The following SEMA6D variants were observed in gnomAD, a reference collection of about 807,000 sequenced individuals.
The protein encoded by SEMA6D is semaphorin-6D.
A neutral mutation model predicts 106.6 loss-of-function variants in SEMA6D; 35 were observed. The ratio of observed to expected loss-of-function variants is 0.33; its 90% confidence interval spans 0.25 to 0.44. The LOEUF is 0.44. Ranked by LOEUF, SEMA6D falls within the 20% of genes least tolerant of loss-of-function variation. The pLI is 1.00. For synonymous variants in SEMA6D, 499 were observed against 487.7 expected, an observed-to-expected ratio of 1.02 and a Z score of -0.31; for missense variants, 1,185 against 1,345.9, an observed-to-expected ratio of 0.88 and a Z score of 1.87.
At chr15:47,283,393 A>G (rs77982321) in intron 1 of SEMA6D, among the ~76,000 whole-genome samples, 2 of 152,318 alleles carry the variant, frequency 1.3e-5, no homozygotes, top group African/African-American at 2.4e-5. Context: ...CTCTAGGCAC[A>G]TACTGATTAA....
At chr15:47,563,492 C>T (rs901479854) in intron 3 of SEMA6D, among the ~76,000 whole-genome samples, 1 of 152,188 alleles carries the variant, frequency 6.6e-6, no homozygotes, top group South Asian at 2.1e-4. Context: ...TACCTCCCCC[C>T]ATCTCCAATC....
Position 47,764,723 on chromosome 15 carries a change from T to G in SEMA6D, c.1183T>G (p.Ser395Ala). ...GGATGAAACTCTGTCATTCATCAAA[T>G]CTCATCCCCTGATGGACTCTGCCGT... ...FPDETLSFIK[S>A]HPLMDSAVPP... The change falls in exon 12 of 19, where the codon TCT becomes GCT. Residue 395 changes from serine to alanine, a missense_variant. Coordinates refer to ENST00000536845, the MANE Select transcript of SEMA6D (RefSeq NM_001358351.3). The G allele has an allele frequency of 6.2e-7, 1 of 1,614,078 alleles. No individual in the cohort carries two copies. Among genetic ancestry groups the G allele is most frequent in the South Asian group, 1.1e-5 (1 of 91,088 alleles).
intron 1 of SEMA6D, among the ~76,000 whole-genome samples, chr15:47,356,351 A>G (rs371799437): frequency 6.6e-6 from 1 of 152,176 alleles, no homozygotes; most frequent in Non-Finnish European, 1.5e-5. Context: ...CAATCTAGAG[A>G]CTATGTGAAA....
chr15:47,221,145 G>C (rs1473371936), intron 1 of SEMA6D, among the ~76,000 whole-genome samples: 1 of 152,028 alleles, frequency 6.6e-6, no homozygotes, highest in Non-Finnish European at 1.5e-5. Context: ...CTTTTTATTG[G>C]GTTTGGCCAA....
intron 3 of SEMA6D, among the ~76,000 whole-genome samples, chr15:47,551,160 T>C (rs1187339583): frequency 6.6e-6 from 1 of 152,176 alleles, no homozygotes; most frequent in Non-Finnish European, 1.5e-5. Flanking sequence ...CTGAGTGACC[T>C]ATATGAGATG....
intron 1 of SEMA6D, among the ~76,000 whole-genome samples, chr15:47,220,604 T>A (rs2031104821): frequency 6.6e-6 from 1 of 152,146 alleles, no homozygotes; most frequent in Non-Finnish European, 1.5e-5. Context: ...CTTTCTCAAA[T>A]TGTCTTATTA....
At chr15:47,201,601 C>A (rs1030045077) in intron 1 of SEMA6D, among the ~76,000 whole-genome samples, 2 of 152,056 alleles carry the variant, frequency 1.3e-5, no homozygotes, top group African/African-American at 4.8e-5. Context: ...CTTGGCTTCA[C>A]CCCCACTAGA....
chr15:47,687,085 A>G (rs1008793697), intron 4 of SEMA6D, among the ~76,000 whole-genome samples: 3 of 146,948 alleles, frequency 2.0e-5, no homozygotes, highest in African/African-American at 7.5e-5. Flanking sequence ...AAAAAAAAAG[A>G]AGTACTATTA....
intron 4 of SEMA6D, among the ~76,000 whole-genome samples, chr15:47,615,842 G>C (rs1422771260): frequency 6.6e-6 from 1 of 152,236 alleles, no homozygotes. Context: ...ATTTCAGATG[G>C]ATTGTTAAAA....
chr15:47,554,460 A>G (rs2045858792), intron 3 of SEMA6D, among the ~76,000 whole-genome samples: 1 of 152,362 alleles, frequency 6.6e-6, no homozygotes, highest in African/African-American at 2.4e-5. Flanking sequence ...GCAGGGATCA[A>G]TGATGTAGCC....
At chr15:47,556,922 G>T (rs543848374) in intron 3 of SEMA6D, among the ~76,000 whole-genome samples, 4 of 152,234 alleles carry the variant, frequency 2.6e-5, no homozygotes, top group African/African-American at 9.6e-5. Context: ...TCTTATTGCT[G>T]TGTGACTCTG....
chr15:47,343,229 A>G (rs1484772378), intron 1 of SEMA6D, among the ~76,000 whole-genome samples: 3 of 126,636 alleles, frequency 2.4e-5, no homozygotes, highest in African/African-American at 1.1e-4. Flanking sequence ...TTTTAAAAAA[A>G]CGATGGATTA....
At chr15:47,312,558 CT>C (rs1284620849) in intron 1 of SEMA6D, among the ~76,000 whole-genome samples, 1 of 152,114 alleles carries the variant, frequency 6.6e-6, no homozygotes, top group African/African-American at 2.4e-5. Context: ...CTTGCTTCCC[CT>C]CTTTACATTC....
intron 3 of SEMA6D, among the ~76,000 whole-genome samples, chr15:47,578,803 A>G (rs1252383433): frequency 6.6e-6 from 1 of 152,202 alleles, no homozygotes; most frequent in Non-Finnish European, 1.5e-5. Context: ...TAAATGATCT[A>G]TGTGTAATAG....
chr15:47,432,684 A>G (rs2041577476), intron 2 of SEMA6D, among the ~76,000 whole-genome samples: 1 of 152,098 alleles, frequency 6.6e-6, no homozygotes, highest in South Asian at 2.1e-4. Flanking sequence ...CTGAGAAGAA[A>G]CAGAACAGGC....
chr15:47,678,903 G>A (rs78597211), intron 4 of SEMA6D, among the ~76,000 whole-genome samples: 2,665 of 152,190 alleles, frequency 0.018, 82 homozygotes, highest in African/African-American at 0.061. Flanking sequence ...AACTGAGGTA[G>A]AGAGAGGCTA....
chr15:47,563,908 A>C (rs1406772627), intron 3 of SEMA6D, among the ~76,000 whole-genome samples: 6 of 152,224 alleles, frequency 3.9e-5, no homozygotes, highest in Admixed American at 1.3e-4. Context: ...AACTGCCCTC[A>C]CATCTTCCTT....
At chr15:47,655,460 A>G (rs577121958) in intron 4 of SEMA6D, among the ~76,000 whole-genome samples, 1 of 152,388 alleles carries the variant, frequency 6.6e-6, no homozygotes, top group South Asian at 2.1e-4. Flanking sequence ...GTATATGTGC[A>G]TTCTTGCTAT....
At chr15:47,319,156 GTTCT>G (rs963731616) in intron 1 of SEMA6D, among the ~76,000 whole-genome samples, 1 of 151,992 alleles carries the variant, frequency 6.6e-6, no homozygotes, top group Admixed American at 6.6e-5. Context: ...TTTCATTTTG[GTTCT>G]TTCTTAAGAT....
Sources: gnomAD v4.1 joint callset for allele counts (sites outside exome capture counted in the v4.1 genomes callset) on GRCh38, gnomAD v4.1.1 for gene constraint, MANE v1.5 for transcripts, NCBI Gene and HGNC (gene_info 2026-07-23, HGNC 2026-07-21) for gene names.